The following MYO1E variants were observed in gnomAD, a reference collection of about 807,000 sequenced individuals.
The protein encoded by MYO1E is unconventional myosin-Ie.
In MYO1E, 68 loss-of-function variants were observed where a neutral mutation model predicts 151.1. The ratio of observed to expected loss-of-function variants is 0.45; its 90% CI spans 0.37 to 0.55. MYO1E has a LOEUF of 0.55. Ranked by LOEUF, MYO1E falls within the 20% of genes least tolerant of loss-of-function variation. MYO1E has a pLI of 0.00. For missense variants in MYO1E, 1,363 were observed against 1,389.3 expected (o/e 0.98, Z 0.30); for synonymous variants, 601 against 501.7 (o/e 1.20, Z -2.64).
At chr15:59,312,847 G>A (rs762861488) in intron 1 of MYO1E, among the ~76,000 whole-genome samples, 15 of 150,498 alleles carry the variant, frequency 1.0e-4, no homozygotes, top group African/African-American at 2.7e-4. Context: ...ATGAAACCCC[G>A]ACTCTACTAA....
intron 1 of MYO1E, among the ~76,000 whole-genome samples, chr15:59,305,845 T>C (rs1278772693): frequency 6.6e-6 from 1 of 152,184 alleles, no homozygotes; most frequent in African/African-American, 2.4e-5. Context: ...ATTCAAGTTC[T>C]AGGACATTCA....
chr15:59,281,167 A>T (rs1043486370), intron 1 of MYO1E, among the ~76,000 whole-genome samples: 2 of 151,990 alleles, frequency 1.3e-5, no homozygotes. Context: ...CAATATTAAC[A>T]CCATTTGAAG....
intron 23 of MYO1E, 81 bp downstream of exon 23, chr15:59,163,076 G>T: frequency 6.6e-7 from 1 of 1,523,844 alleles, no homozygotes. Context: ...GCCTCCTCCA[G>T]CCCCATCCTG....
chr15:59,139,562 CTT>C (rs1474243153), intron 26 of MYO1E, among the ~76,000 whole-genome samples: 2 of 148,482 alleles, frequency 1.3e-5, no homozygotes, highest in Admixed American at 6.7e-5. Flanking sequence ...TCCGTCTCAC[CTT>C]CTCATTATTT....
chr15:59,360,453 A>C (rs1462406251), intron 1 of MYO1E, among the ~76,000 whole-genome samples: 1 of 152,160 alleles, frequency 6.6e-6, no homozygotes, highest in Non-Finnish European at 1.5e-5. Flanking sequence ...AGCAAGAAGT[A>C]TTGTCCCCAC....
chr15:59,301,710 C>G (rs564002135), intron 1 of MYO1E, among the ~76,000 whole-genome samples: 1 of 152,288 alleles, frequency 6.6e-6, no homozygotes, highest in Admixed American at 6.5e-5. Context: ...AGCACTGGAG[C>G]CTGCTGGAGC....
chr15:59,308,912 G>T (rs1458157264), intron 1 of MYO1E, among the ~76,000 whole-genome samples: 1 of 151,866 alleles, frequency 6.6e-6, no homozygotes, highest in East Asian at 1.9e-4. Context: ...CCCCAGAGAG[G>T]CAGAATTGCA....
At position 59,135,650 on chromosome 15, in the gene MYO1E, A is replaced by AAAAC. The variant is rs1482077477; in HGVS notation, c.*1726_*1729dup. Reference sequence around the variant, plus strand: ...GGAGTTTGCTCCCTGTTCTTGAAGTAAAACACAGCAGAATTAAATGTATCT... The same window carrying AAAAC: ...GGAGTTTGCTCCCTGTTCTTGAAGTAAAACAAACACAGCAGAATTAAATGTATCT... On this transcript the variant is annotated 3_prime_UTR_variant, in exon 28 of 28. Transcript: ENST00000288235. The AAAAC allele has an allele frequency of 6.6e-6, 1 of 152,262 alleles. No individual in the cohort carries two copies. The highest frequency in any genetic ancestry group is 1.5e-5 in the Non-Finnish European group (1 of 68,046). The allele number at this position is 152,262 out of a possible 1,614,324, so 9.4% of individuals were successfully genotyped here.
At chr15:59,199,900 T>C (rs1369207837) in intron 16 of MYO1E, among the ~76,000 whole-genome samples, 1 of 152,166 alleles carries the variant, frequency 6.6e-6, no homozygotes, top group Admixed American at 6.5e-5. Context: ...GGAGAGACTT[T>C]TATTCCTACG....
chr15:59,240,765 T>C (rs2080094857), intron 4 of MYO1E, among the ~76,000 whole-genome samples: 1 of 152,224 alleles, frequency 6.6e-6, no homozygotes, highest in Non-Finnish European at 1.5e-5. Context: ...TGAATCAACG[T>C]AATTGAAATA....
intron 15 of MYO1E, among the ~76,000 whole-genome samples, chr15:59,202,744 T>TTTTTG: frequency 6.6e-6 from 1 of 152,102 alleles, no homozygotes; most frequent in South Asian, 2.1e-4. Flanking sequence ...GGATTTTAGG[T>TTTTTG]TTTTGTTTTG....
chr15:59,265,858 T>C (rs1437428588), intron 2 of MYO1E, among the ~76,000 whole-genome samples: 1 of 150,116 alleles, frequency 6.7e-6, no homozygotes, highest in African/African-American at 2.5e-5. Context: ...TCCCAGCTAC[T>C]TGGGAGGCTG....
chr15:59,190,284 C>T (rs1163395709), intron 17 of MYO1E, among the ~76,000 whole-genome samples: 1 of 152,174 alleles, frequency 6.6e-6, no homozygotes, highest in African/African-American at 2.4e-5. Flanking sequence ...GGTAACTCCT[C>T]ACACTCCCTG....
At chr15:59,329,069 A>T (rs76529498) in intron 1 of MYO1E, among the ~76,000 whole-genome samples, 5,500 of 152,268 alleles carry the variant, frequency 0.036, 306 homozygotes, top group African/African-American at 0.12. Context: ...TGGGTAATGT[A>T]AGTAATAATG....
intron 1 of MYO1E, among the ~76,000 whole-genome samples, chr15:59,316,401 G>C (rs1380085720): frequency 6.6e-6 from 1 of 152,146 alleles, no homozygotes; most frequent in Non-Finnish European, 1.5e-5. Context: ...CCAGACTGGA[G>C]GCCAAAATGC....
chr15:59,152,065 T>TAA (rs879769310), intron 26 of MYO1E, among the ~76,000 whole-genome samples: 1 of 139,882 alleles, frequency 7.1e-6, no homozygotes, highest in African/African-American at 2.6e-5. Context: ...AGACTCCGTC[T>TAA]AAAAAAAAAA....
intron 26 of MYO1E, among the ~76,000 whole-genome samples, chr15:59,149,818 G>A (rs549312141): frequency 6.6e-6 from 1 of 152,348 alleles, no homozygotes; most frequent in African/African-American, 2.4e-5. Context: ...TTATAGATTG[G>A]TAAAGTCAAG....
chr15:59,169,339 T>C (rs554168040), intron 22 of MYO1E, among the ~76,000 whole-genome samples: 4 of 152,358 alleles, frequency 2.6e-5, no homozygotes, highest in African/African-American at 9.6e-5. Context: ...TACTGAAGTA[T>C]TTTGAGAACA....
At chr15:59,250,994 T>C (rs1483446725) in intron 4 of MYO1E, among the ~76,000 whole-genome samples, 2 of 152,078 alleles carry the variant, frequency 1.3e-5, no homozygotes, top group African/African-American at 4.8e-5. Context: ...AAGAAGACCA[T>C]TCCCATCCCA....
Sources: gnomAD v4.1 joint callset for allele counts (sites outside exome capture counted in the v4.1 genomes callset) on GRCh38, gnomAD v4.1.1 for gene constraint, MANE v1.5 for transcripts, NCBI Gene and HGNC (gene_info 2026-07-23, HGNC 2026-07-21) for gene names.